The following WDR11 variants were observed in gnomAD, a reference collection of about 807,000 sequenced individuals.
WDR11 encodes WD repeat-containing protein 11.
Under a neutral mutation model 151.2 loss-of-function variants are expected in WDR11, and 83 were observed. That is an observed-to-expected ratio of 0.55 (90% CI 0.46 to 0.66). WDR11 has a LOEUF of 0.66. Among genes scored for constraint, WDR11 ranks in the 30% least tolerant of loss-of-function variants. WDR11 has a pLI of 0.00. For missense variants in WDR11, 1,301 were observed against 1,480.9 expected (o/e 0.88, Z 1.99); for synonymous variants, 484 against 533.1 (o/e 0.91, Z 1.27).
At chr10:120,870,024 G>A (rs558361403) in intron 9 of WDR11, among the ~76,000 whole-genome samples, 3 of 152,110 alleles carry the variant, frequency 2.0e-5, no homozygotes, top group Admixed American at 6.6e-5. Context: ...TTCTGACCTC[G>A]TGATCCGGTT....
intron 20 of WDR11, 114 bp from the exon 21 acceptor site, chr10:120,900,921 TA>T (rs1359322206): frequency 3.9e-6 from 3 of 767,190 alleles, no homozygotes; most frequent in Non-Finnish European, 6.9e-6. Flanking sequence ...ACCAGGTTTC[TA>T]ACCAAGAACT....
In WDR11 at chr10:120,889,695, C is replaced by T. The variant is rs1297613853; in HGVS notation, c.2229-200C>T. On this transcript the variant is annotated intron_variant, in intron 17 of 28. Transcript: ENST00000263461. ...AGCATTCTTAGGAGATAGTTATCTG[C>T]AAGTGGCCCCTGCAGAAGTCTTAGC... is the stretch of plus-strand genomic sequence containing the variant. The T allele has an allele frequency of 5.1e-6, 3 of 588,286 alleles. No homozygotes were observed. The African/African-American group carries it at 5.6e-5, about 11-fold the overall frequency. The allele number at this position is 588,286 out of a possible 1,614,324, so 36.4% of individuals were successfully genotyped here. A position where few individuals can be genotyped will look rare whatever the true frequency, so the allele number is the denominator to read the frequency against.
intron 17 of WDR11, 181 bp downstream of exon 17, chr10:120,889,365 G>A (rs1293434046): frequency 3.6e-6 from 2 of 557,774 alleles, no homozygotes; most frequent in East Asian, 3.4e-5. Context: ...AGCCACCCGA[G>A]TAGCTGGGAC....
At chr10:120,907,730 GA>G (rs1418009897) in intron 28 of WDR11, 1 of 150,064 alleles carries the variant, frequency 6.7e-6, no homozygotes, top group Non-Finnish European at 1.5e-5. Context: ...CTACAGCCTT[GA>G]CTTCCTGGGC....
At chr10:120,862,623 C>T in intron 4 of WDR11, 112 bp from the exon 5 acceptor site, 1 of 1,092,060 alleles carries the variant, frequency 9.2e-7, no homozygotes, top group East Asian at 2.4e-5. Flanking sequence ...ATAACATTGC[C>T]AGTTATATAT....
chr10:120,864,173 A>G (rs1019840355), intron 5 of WDR11, among the ~76,000 whole-genome samples: 4 of 152,102 alleles, frequency 2.6e-5, no homozygotes, highest in Non-Finnish European at 5.9e-5. Context: ...AATAAGGAAA[A>G]CTGAGTCCCA....
intron 2 of WDR11, among the ~76,000 whole-genome samples, chr10:120,853,183 G>A (rs1402964167): frequency 6.6e-6 from 1 of 152,182 alleles, no homozygotes; most frequent in Admixed American, 6.5e-5. Context: ...CTAAAGATGG[G>A]ACACTTGTAG....
At chr10:120,851,536 G>A in intron 1 of WDR11, 30 bp downstream of exon 1, 1 of 1,599,782 alleles carries the variant, frequency 6.3e-7, no homozygotes, top group Non-Finnish European at 8.5e-7. Context: ...AGGTCGCCAG[G>A]ATCGGCCAGG....
intron 23 of WDR11, 103 bp from the exon 24 acceptor site, chr10:120,903,944 G>A (rs1253257318): frequency 1.8e-5 from 14 of 777,238 alleles, no homozygotes; most frequent in South Asian, 9.5e-5. Flanking sequence ...AACCTGAAAA[G>A]TCAAAGTAGT....
intron 15 of WDR11, 46 bp downstream of exon 15, chr10:120,885,984 C>G: frequency 6.2e-7 from 1 of 1,609,716 alleles, no homozygotes; most frequent in Non-Finnish European, 8.5e-7. Context: ...CCATTAGCAT[C>G]ATGTCTGGGA....
At chr10:120,891,509 G>C (rs1847428038) in intron 19 of WDR11, among the ~76,000 whole-genome samples, 1 of 151,972 alleles carries the variant, frequency 6.6e-6, no homozygotes. Context: ...CCATTTATCA[G>C]TTTAAAAGGC....
intron 13 of WDR11, among the ~76,000 whole-genome samples, chr10:120,882,929 C>T (rs1847073947): frequency 6.6e-6 from 1 of 152,012 alleles, no homozygotes. Flanking sequence ...AGTTGATTCT[C>T]TAAAATGTAA....
At chr10:120,856,732 T>C (rs942722331) in intron 2 of WDR11, among the ~76,000 whole-genome samples, 1 of 151,632 alleles carries the variant, frequency 6.6e-6, no homozygotes, top group Non-Finnish European at 1.5e-5. Flanking sequence ...ATTATTAAAA[T>C]ATATATATAT....
intron 12 of WDR11, chr10:120,880,388 C>T (rs11199622): frequency 0.013 from 2,150 of 161,996 alleles, 18 homozygotes; most frequent in Non-Finnish European, 0.018. Context: ...AACTGGGCGC[C>T]GTGGCTCACA....
At chr10:120,900,165 C>T in intron 20 of WDR11, 28 bp downstream of exon 20, 1 of 1,581,554 alleles carries the variant, frequency 6.3e-7, no homozygotes, top group Non-Finnish European at 8.7e-7. Flanking sequence ...CTTTTTCTTT[C>T]ATAATTTACT....
intron 19 of WDR11, among the ~76,000 whole-genome samples, chr10:120,896,938 T>A (rs956012814): frequency 2.0e-5 from 3 of 152,166 alleles, no homozygotes; most frequent in African/African-American, 7.2e-5. Flanking sequence ...ACTTTGCAAG[T>A]TCCATTTCCA....
chr10:120,900,929 A>G lies in WDR11; in HGVS notation c.2625-107A>G, dbSNP rs1489576250. Reference sequence around the variant, plus strand: ...GTCTATAACCAGGTTTCTAACCAAGAACTACGAAGAAGGTTATCTCTATAT... The same window carrying G: ...GTCTATAACCAGGTTTCTAACCAAGGACTACGAAGAAGGTTATCTCTATAT... On this transcript the variant is annotated intron_variant, in intron 20 of 28. Coordinates refer to ENST00000263461, the MANE Select transcript of WDR11 (RefSeq NM_018117.12). 3.7e-6 allele frequency: 3 copies of G among 800,230 alleles called. No individual in the cohort carries two copies. In the African/African-American group the frequency reaches 5.1e-5, roughly 14 times the overall value. 49.6% of individuals were successfully genotyped at this position (800,230 alleles called of 1,614,324 possible).
intron 1 of WDR11, chr10:120,852,258 C>T: frequency 7.1e-6 from 3 of 424,294 alleles, no homozygotes; most frequent in Non-Finnish European, 1.3e-5. Flanking sequence ...TCAGAGGGCA[C>T]AAGTTCCTTT....
intron 11 of WDR11, among the ~76,000 whole-genome samples, chr10:120,874,388 TTTA>T (rs999350617): frequency 2.4e-4 from 37 of 152,160 alleles, no homozygotes; most frequent in Non-Finnish European, 1.3e-4. Flanking sequence ...ATTATTATTT[TTTA>T]TTATTTTAAA....
Sources: allele counts gnomAD v4.1 joint callset (sites outside exome capture counted in the v4.1 genomes callset), GRCh38; gene constraint gnomAD v4.1.1; transcripts MANE v1.5; gene names NCBI Gene and HGNC (gene_info 2026-07-23, HGNC 2026-07-21).